The following SPRY1 variants were observed in gnomAD, a reference collection of about 807,000 sequenced individuals.
The protein encoded by SPRY1 is protein sprouty homolog 1.
Under a neutral mutation model 22.6 loss-of-function variants are expected in SPRY1, and 20 were observed. The observed-to-expected ratio is 0.89, with a 90% CI of 0.62 to 1.29. SPRY1 has a LOEUF of 1.29. Ranked by LOEUF, SPRY1 falls within the 50% of genes most tolerant of loss-of-function variation. The probability of loss-of-function intolerance (pLI) is 0.00; values close to 1 mark genes in which losing one functional copy is unlikely to be tolerated. For synonymous variants in SPRY1, 155 were observed against 144.7 expected (o/e 1.07, Z -0.51); for missense variants, 446 against 387.7 (o/e 1.15, Z -1.26).
chr4:123,401,446 G>C, intron 2 of SPRY1, 91 bp from the exon 3 acceptor site: 1 of 1,178,520 alleles, frequency 8.5e-7, no homozygotes, highest in South Asian at 1.5e-5. Context: ...GGCGGTTTAG[G>C]CAATTTGTGA....
intron 2 of SPRY1, chr4:123,399,498 T>C (rs1424020662): frequency 6.6e-6 from 1 of 152,338 alleles, no homozygotes; most frequent in East Asian, 1.9e-4. Context: ...TCCTTTTCCT[T>C]CTTCCGTCAA....
chr4:123,400,053 G>A (rs984058380), intron 2 of SPRY1: 1 of 152,162 alleles, frequency 6.6e-6, no homozygotes, highest in Admixed American at 6.5e-5. Flanking sequence ...AATCCTCTGC[G>A]GTTTTGTGAA....
At position 123,403,281 on chromosome 4, in the gene SPRY1, CCTT is replaced by C. The variant is rs1725244801; in HGVS notation, c.*735_*737del. On this transcript the variant is annotated 3_prime_UTR_variant, in exon 3 of 3. Coordinates refer to ENST00000651917, the MANE Select transcript of SPRY1 (RefSeq NM_001258038.2). ...TATTTGTGAAGGACTCAGCCACCTT[CCTT>C]CTTCACCCCATGCTTCTCACCAAAT... The C allele has an allele frequency of 6.0e-6, 1 of 167,376 alleles. No homozygotes were observed. Among genetic ancestry groups the C allele is most frequent in the African/African-American group, 2.4e-5 (1 of 41,478 alleles). 10.4% of individuals were successfully genotyped at this position (167,376 alleles called of 1,614,324 possible).
In SPRY1 at chr4:123,402,660, T is replaced by A. The variant is rs1380257446; in HGVS notation, c.*109T>A. 6.5e-6 allele frequency: 9 copies of A among 1,392,180 alleles called. No homozygotes were observed. In the African/African-American group the frequency reaches 1.2e-4, roughly 18 times the overall value. The allele number at this position is 1,392,180 out of a possible 1,614,324, so 86.2% of individuals were successfully genotyped here. On this transcript the variant is annotated 3_prime_UTR_variant, in exon 3 of 3. Transcript: ENST00000651917. ...TTAGAATTTTTCCCTGTTTCCCACCTTCTCTTCCCCTGTTGCCAAGGTCTA... is the reference window on the plus strand; with the variant it reads ...TTAGAATTTTTCCCTGTTTCCCACCATCTCTTCCCCTGTTGCCAAGGTCTA...
Position 123,402,264 on chromosome 4 carries a change from G to A in SPRY1, c.673G>A (p.Val225Ile). 1 of 1,614,234 alleles carries A rather than the reference G, an allele frequency of 6.2e-7. No homozygotes were observed. The highest frequency in any genetic ancestry group is 8.5e-7 in the Non-Finnish European group (1 of 1,180,036). ...MVEYGTCMCL[V>I]KGIFYHCSND... ...GGAATATGGAACCTGCATGTGCTTAGTCAAGGGCATCTTCTACCACTGCTC... is the reference window on the plus strand; with the variant it reads ...GGAATATGGAACCTGCATGTGCTTAATCAAGGGCATCTTCTACCACTGCTC... The change falls in exon 3 of 3, where the codon GTC becomes ATC. Residue 225 changes from valine to isoleucine, a missense_variant. Coordinates refer to ENST00000651917, the MANE Select transcript of SPRY1 (RefSeq NM_001258038.2).
At chr4:123,399,656 C>G (rs1233640542) in intron 2 of SPRY1, 2 of 152,264 alleles carry the variant, frequency 1.3e-5, no homozygotes, top group Non-Finnish European at 2.9e-5. Context: ...TAGGGTCAGC[C>G]AGACCGTGGG....
chr4:123,403,147 G>A lies in SPRY1; in HGVS notation c.*596G>A, dbSNP rs1419671913. On this transcript the variant is annotated 3_prime_UTR_variant, in exon 3 of 3. Coordinates refer to ENST00000651917, the MANE Select transcript of SPRY1 (RefSeq NM_001258038.2). Reference sequence around the variant, plus strand: ...TTTGTTGTTGTCTTACTCTGGAGATGCCAAGTGTATTTTTTCTTTCTATGT... The same window carrying A: ...TTTGTTGTTGTCTTACTCTGGAGATACCAAGTGTATTTTTTCTTTCTATGT... 1 of 235,578 alleles carries A rather than the reference G, an allele frequency of 4.2e-6. No individual in the cohort carries two copies. The highest frequency in any genetic ancestry group is 8.8e-6 in the Non-Finnish European group (1 of 113,940). The allele number at this position is 235,578 out of a possible 1,614,324, so 14.6% of individuals were successfully genotyped here.
rs6822886 is a variant in SPRY1 at position 123,403,184 on chromosome 4, C to T, written c.*633C>T. On this transcript the variant is annotated 3_prime_UTR_variant, in exon 3 of 3. Coordinates refer to ENST00000651917, the MANE Select transcript of SPRY1 (RefSeq NM_001258038.2). ...TTTTCTTTCTATGTAATTTTAGATT[C>T]GCCTTACAATGTAAATCTTCACATT... is the stretch of plus-strand genomic sequence containing the variant. The T allele has an allele frequency of 1.8e-3, 335 of 184,842 alleles. 2 individuals are homozygous for T. The highest frequency in any genetic ancestry group is 7.3e-3 in the African/African-American group (309 of 42,412). The allele number at this position is 184,842 out of a possible 1,614,324, so 11.5% of individuals were successfully genotyped here.
chr4:123,401,422 G>A (rs900313213), intron 2 of SPRY1, 115 bp from the exon 3 acceptor site: 13 of 826,222 alleles, frequency 1.6e-5, no homozygotes, highest in Non-Finnish European at 2.4e-5. Context: ...CACTGATGAA[G>A]GAGGTCATTA....
Position 123,402,525 on chromosome 4 carries a change from TC to T in SPRY1, c.937del (p.Arg313GlyfsTer63). On this transcript the variant is annotated frameshift_variant, in exon 3 of 3. Transcript: ENST00000651917. LOFTEE classifies it high-confidence loss of function. Reference protein sequence around the residue: ...TVYCKLESCPSRGQGKPS With the variant: ...TVYCKLESCPXRGQGKPS ...CTATTGTAAGCTGGAGAGCTGCCCC[TC>T]CCGGGGTCAGGGTAAACCATCATGA... 1.2e-6 allele frequency: 2 copies of T among 1,613,498 alleles called. No homozygotes were observed. Among genetic ancestry groups the T allele is most frequent in the Non-Finnish European group, 1.7e-6 (2 of 1,179,550 alleles).
chr4:123,397,329 C>G (rs1579152381), intron 1 of SPRY1, among the ~76,000 whole-genome samples: 1 of 152,318 alleles, frequency 6.6e-6, no homozygotes, highest in East Asian at 1.9e-4. Context: ...TTTCCCGTCT[C>G]TGTGTATTGA....
rs1437056441 is a variant in SPRY1 at position 123,401,694 on chromosome 4, C to T, written c.103C>T (p.Pro35Ser). The change falls in exon 3 of 3, where the codon CCT (proline) becomes TCT (serine). Residue 35 changes from proline to serine, a missense_variant. Physicochemically the swap from Pro to Ser is moderately conservative, Grantham distance 74 (BLOSUM62 -1). Coordinates refer to ENST00000651917, the MANE Select transcript of SPRY1 (RefSeq NM_001258038.2). ...QRLDYEREIQ[P>S]TAILSLDQIK... ...ATTAGACTATGAGAGAGAGATTCAG[C>T]CTACTGCTATTTTGTCCTTAGACCA... The T allele has an allele frequency of 6.8e-6, 11 of 1,614,018 alleles. No individual in the cohort carries two copies. The highest frequency in any genetic ancestry group is 9.3e-6 in the Non-Finnish European group (11 of 1,180,040).
At chr4:123,399,204 C>G (rs28477228) in intron 2 of SPRY1, among the ~76,000 whole-genome samples, 2 of 151,912 alleles carry the variant, frequency 1.3e-5, no homozygotes, top group African/African-American at 2.4e-5. Context: ...GATGAAACCC[C>G]GTCTTTACTA....
intron 2 of SPRY1, among the ~76,000 whole-genome samples, chr4:123,399,023 TC>T (rs2126195131): frequency 6.6e-6 from 1 of 152,158 alleles, no homozygotes; most frequent in African/African-American, 2.4e-5. Context: ...GCCGCAACTT[TC>T]TTCTGGTTTG....
Position 123,401,911 on chromosome 4 carries a change from G to C in SPRY1, c.320G>C (p.Arg107Thr). ...LGHAVLPSNARGPILSRSTST... is the reference protein window; with the variant it reads ...LGHAVLPSNATGPILSRSTST... ...CATGCAGTACTCCCAAGTAATGCCAGGGGCCCCATTTTGAGCAGATCAACC... is the reference window on the plus strand; with the variant it reads ...CATGCAGTACTCCCAAGTAATGCCACGGGCCCCATTTTGAGCAGATCAACC... Residue 107 changes from arginine to threonine, a missense_variant, in exon 3 of 3, where the codon AGG becomes ACG. By Grantham distance (71) the Arg-to-Thr change is moderately conservative. Coordinates refer to ENST00000651917, the MANE Select transcript of SPRY1 (RefSeq NM_001258038.2). 6.2e-7 allele frequency: 1 copy of C among 1,614,138 alleles called. No individual in the cohort carries two copies.
In SPRY1 at chr4:123,402,783, C is replaced by T. The variant is rs141817499; in HGVS notation, c.*232C>T. On this transcript the variant is annotated 3_prime_UTR_variant, in exon 3 of 3. Transcript: ENST00000651917. The stretch of plus-strand genomic sequence containing the variant: ...ACTTTCAACAAGAGCCTCTGCCATC[C>T]ACTTGAGGGTATTGAGAGCCAGTGG... 4.2e-4 allele frequency: 251 copies of T among 591,930 alleles called. No individual in the cohort carries two copies. Among genetic ancestry groups the T allele is most frequent in the African/African-American group, 4.2e-3 (228 of 53,800 alleles). The allele number at this position is 591,930 out of a possible 1,614,324, so 36.7% of individuals were successfully genotyped here.
rs888131368 is a variant in SPRY1 at position 123,402,926 on chromosome 4, G to T, written c.*375G>T. ...TTTTGATTGGGTACCGTGGGAGCAG[G>T]GAAATTGGTTTTTTAAAAAGCAACT... On this transcript the variant is annotated 3_prime_UTR_variant, in exon 3 of 3. Transcript: ENST00000651917. 3.7e-5 allele frequency: 16 copies of T among 429,700 alleles called. No homozygotes were observed. The highest frequency in any genetic ancestry group is 2.9e-4 in the African/African-American group (14 of 48,956). 26.6% of individuals were successfully genotyped at this position (429,700 alleles called of 1,614,324 possible). A position where few individuals can be genotyped will look rare whatever the true frequency, so the allele number is the denominator to read the frequency against.
In SPRY1 at chr4:123,397,844, A is replaced by G. The variant is rs1724974310; in HGVS notation, c.-68A>G. ...CACTCCTCCCCGCTAAAAAAAAAAA[A>G]AAAAAGAAAAGGGTAAAAAAATCCC... On this transcript the variant is annotated 5_prime_UTR_variant, in exon 2 of 3. Transcript: ENST00000651917. 1 of 151,224 alleles carries G rather than the reference A, an allele frequency of 6.6e-6. No individual in the cohort carries two copies. The highest frequency in any genetic ancestry group is 2.4e-5 in the African/African-American group (1 of 41,156). 9.4% of individuals were successfully genotyped at this position (151,224 alleles called of 1,614,324 possible).
At position 123,402,260 on chromosome 4, in the gene SPRY1, C is replaced by T. The variant is rs1246529542; in HGVS notation, c.669C>T (p.Cys223=). 1.9e-6 allele frequency: 3 copies of T among 1,614,216 alleles called. No individual in the cohort carries two copies. In the South Asian group the frequency reaches 3.3e-5, roughly 18 times the overall value. ...ESMVEYGTCM[C]LVKGIFYHCS... is the part of the protein sequence containing the mutation. ...TGGTGGAATATGGAACCTGCATGTG[C>T]TTAGTCAAGGGCATCTTCTACCACT... The change falls in exon 3 of 3, where the codon TGC becomes TGT. Residue 223 remains cysteine, a synonymous_variant. Transcript: ENST00000651917.
Sources: gnomAD v4.1 joint callset for allele counts (sites outside exome capture counted in the v4.1 genomes callset) on GRCh38, gnomAD v4.1.1 for gene constraint, MANE v1.5 for transcripts, NCBI Gene and HGNC (gene_info 2026-07-23, HGNC 2026-07-21) for gene names.